MARCHF7: variants seen among roughly 807,000 people sequenced by gnomAD.
MARCHF7 encodes the protein membrane associated ring-CH-type finger 7.
A neutral mutation model predicts 76.5 loss-of-function variants in MARCHF7; 20 were observed. The ratio of observed to expected loss-of-function variants is 0.26; its 90% confidence interval spans 0.18 to 0.38. The LOEUF (loss-of-function observed/expected upper bound fraction) is 0.38. Among genes scored for constraint, MARCHF7 ranks in the 10% least tolerant of loss-of-function variants. The probability of loss-of-function intolerance (pLI) is 1.00; values close to 1 mark genes in which losing one functional copy is unlikely to be tolerated. For synonymous variants in MARCHF7, 295 were observed against 293.0 expected, an observed-to-expected ratio of 1.01 and a Z score of -0.07; for missense variants, 797 against 812.9, an observed-to-expected ratio of 0.98 and a Z score of 0.24.
intron 8 of MARCHF7, among the ~76,000 whole-genome samples, chr2:159,755,907 GAGCAGTAGACCCCTAGGGGGCACA>G (rs1263758743): frequency 1.3e-5 from 2 of 152,144 alleles, no homozygotes; most frequent in African/African-American, 4.8e-5. Flanking sequence ...GTCAAGTGGT[GAGCAGTAGACCCCTAGGGGGCACA>G]AGAGGAGAAA....
intron 3 of MARCHF7, among the ~76,000 whole-genome samples, chr2:159,719,201 C>T (rs1349918977): frequency 6.6e-6 from 1 of 151,892 alleles, no homozygotes; most frequent in Non-Finnish European, 1.5e-5. Flanking sequence ...GGCTGGTCTG[C>T]TTATTCTTTT....
At chr2:159,742,563 T>TA (rs1228284050) in intron 4 of MARCHF7, among the ~76,000 whole-genome samples, 2 of 151,500 alleles carry the variant, frequency 1.3e-5, no homozygotes, top group African/African-American at 4.8e-5. Flanking sequence ...AAAAAGGACT[T>TA]ACTCTGCATC....
chr2:159,766,551 A>G (rs1305864019), intron 11 of MARCHF7, among the ~76,000 whole-genome samples: 3 of 152,176 alleles, frequency 2.0e-5, no homozygotes, highest in African/African-American at 7.2e-5. Flanking sequence ...CATAGAATTC[A>G]TAGTTTTACA....
chr2:159,717,039 T>A (rs998102474), intron 3 of MARCHF7, among the ~76,000 whole-genome samples: 1 of 152,202 alleles, frequency 6.6e-6, no homozygotes, highest in East Asian at 1.9e-4. Context: ...GGCTGGGAGA[T>A]CCAAGATGGC....
intron 4 of MARCHF7, chr2:159,733,664 G>C (rs746866988): frequency 9.1e-6 from 9 of 985,174 alleles, no homozygotes; most frequent in African/African-American, 3.5e-5. Context: ...AGAGGGTCAG[G>C]GGGTAGGACA....
chr2:159,739,971 T>C (rs1703937519), intron 4 of MARCHF7, among the ~76,000 whole-genome samples: 1 of 152,336 alleles, frequency 6.6e-6, no homozygotes, highest in South Asian at 2.1e-4. Context: ...AAATTCATTA[T>C]CTAAATCTGC....
intron 11 of MARCHF7, 96 bp from the exon 12 acceptor site, chr2:159,767,188 G>C (rs1707902678): frequency 1.2e-6 from 1 of 857,484 alleles, no homozygotes; most frequent in Non-Finnish European, 1.9e-6. Flanking sequence ...TGGGATTTTT[G>C]TTTTTACAAG....
At chr2:159,741,630 T>C (rs1373510955) in intron 4 of MARCHF7, among the ~76,000 whole-genome samples, 4 of 152,202 alleles carry the variant, frequency 2.6e-5, no homozygotes, top group Non-Finnish European at 5.9e-5. Flanking sequence ...ATGTTTATCA[T>C]GTGAATTTTA....
chr2:159,739,184 G>A (rs1187392824), intron 4 of MARCHF7, among the ~76,000 whole-genome samples: 1 of 152,248 alleles, frequency 6.6e-6, no homozygotes, highest in Admixed American at 6.5e-5. Flanking sequence ...CTGGGTCAGG[G>A]AGCACAGGGC....
At chr2:159,715,881 A>G (rs1700978510) in intron 3 of MARCHF7, 115 bp downstream of exon 3, 1 of 152,322 alleles carries the variant, frequency 6.6e-6, no homozygotes, top group African/African-American at 2.4e-5. Flanking sequence ...CATTATGATC[A>G]TTGTTCATTA....
intron 4 of MARCHF7, among the ~76,000 whole-genome samples, chr2:159,739,532 A>G (rs79809745): frequency 0.023 from 3,560 of 152,316 alleles, 67 homozygotes; most frequent in Middle Eastern, 0.037. Flanking sequence ...GTCATGCCCA[A>G]TGTGGTATAC....
chr2:159,760,052 G>C (rs1014858181), intron 9 of MARCHF7, among the ~76,000 whole-genome samples: 8 of 152,272 alleles, frequency 5.3e-5, no homozygotes, highest in South Asian at 2.1e-4. Flanking sequence ...TCTCTGTTTA[G>C]TTCCAAAACA....
At position 159,770,419 on chromosome 2, in the gene MARCHF7, T is replaced by C. The variant is rs2125785989; in HGVS notation, c.*3077T>C. On this transcript the variant is annotated 3_prime_UTR_variant, in exon 12 of 12. Transcript: ENST00000409175. ...GTCTCATTAATGATAGTGCCATTAA[T>C]TGTGATGAGTGTTTTCGATTCATGT... 1 of 152,300 alleles carries C rather than the reference T, an allele frequency of 6.6e-6. No homozygotes were observed. The highest frequency in any genetic ancestry group is 1.9e-4 in the East Asian group (1 of 5,182). 9.4% of individuals were successfully genotyped at this position (152,300 alleles called of 1,614,324 possible). A position where few individuals can be genotyped will look rare whatever the true frequency, so the allele number is the denominator to read the frequency against.
intron 1 of MARCHF7, among the ~76,000 whole-genome samples, chr2:159,714,348 A>T (rs979389217): frequency 3.3e-5 from 5 of 152,190 alleles, no homozygotes; most frequent in Admixed American, 6.5e-5. Flanking sequence ...TGCCCTCCAC[A>T]ACTCACTGTT....
intron 4 of MARCHF7, among the ~76,000 whole-genome samples, chr2:159,731,754 C>CA (rs911349617): frequency 1.9e-4 from 28 of 145,352 alleles, no homozygotes; most frequent in East Asian, 6.2e-4. Context: ...AACTCCGTCT[C>CA]AAAAAAAAAA....
Position 159,748,861 on chromosome 2 carries a change from C to T in MARCHF7, c.1571C>T (p.Ala524Val), listed in dbSNP as rs193082751. 44 of 1,612,042 alleles carry T rather than the reference C, an allele frequency of 2.7e-5. No individual in the cohort carries two copies. Among genetic ancestry groups the T allele is most frequent in the African/African-American group, 4.0e-5 (3 of 74,860 alleles). The change falls in exon 7 of 12, where the codon GCG becomes GTG. Residue 524 changes from alanine (A) to valine (V), a missense_variant. Physicochemically the swap from Ala to Val is moderately conservative, Grantham distance 64. Around this residue, in one of 3 missense-constraint regions of MARCHF7, gnomAD observed 643 missense variants for 631.5 expected, o/e 1.02. Transcript: ENST00000409175. ...ADGKSDKTKS[A>V]PSRDPERLQK... ...GGTAAAAGTGATAAAACTAAAAGTGCGCCTTCAAGAGATCCAGAAAGATTG... is the reference window on the plus strand; with the variant it reads ...GGTAAAAGTGATAAAACTAAAAGTGTGCCTTCAAGAGATCCAGAAAGATTG...
Position 159,767,539 on chromosome 2 carries a change from TAACA to T in MARCHF7, c.*198_*201del. 2.3e-6 allele frequency: 1 copy of T among 442,568 alleles called. No individual in the cohort carries two copies. The highest frequency in any genetic ancestry group is 4.0e-6 in the Non-Finnish European group (1 of 251,450). 27.4% of individuals were successfully genotyped at this position (442,568 alleles called of 1,614,324 possible). On this transcript the variant is annotated 3_prime_UTR_variant, in exon 12 of 12. Transcript: ENST00000409175. ...TGAATTAAAATTCTGCTGGACTTTT[TAACA>T]TAGCAAATCCGATGTTTATAAACTG...
At chr2:159,729,297 T>C in intron 4 of MARCHF7, 122 bp downstream of exon 4, 1 of 587,250 alleles carries the variant, frequency 1.7e-6, no homozygotes, top group South Asian at 4.5e-5. Context: ...AAAACCAATA[T>C]ATATGTAGCA....
chr2:159,744,151 C>G (rs1417648773), intron 5 of MARCHF7, among the ~76,000 whole-genome samples: 1 of 151,222 alleles, frequency 6.6e-6, no homozygotes, highest in Non-Finnish European at 1.5e-5. Context: ...CTACGCCCGG[C>G]TAATTTTTTG....
Sources: gnomAD v4.1 joint callset for allele counts (sites outside exome capture counted in the v4.1 genomes callset) on GRCh38, gnomAD v4.1.1 for gene constraint, gnomAD v4.1.1 regional missense constraint, MANE v1.5 for transcripts, NCBI Gene and HGNC (gene_info 2026-07-23, HGNC 2026-07-21) for gene names.